The following FRMD1 variants were observed in gnomAD, a reference collection of about 807,000 sequenced individuals.
The protein encoded by FRMD1 is FERM domain-containing protein 1.
Under a neutral mutation model 54.9 loss-of-function variants are expected in FRMD1, and 51 were observed. The ratio of observed to expected loss-of-function variants is 0.93; its 90% CI spans 0.74 to 1.17. The LOEUF (loss-of-function observed/expected upper bound fraction) is 1.17, where lower values mean the gene tolerates loss of function less well. Ranked by LOEUF, FRMD1 falls within the 50% of genes most tolerant of loss-of-function variation. The pLI is 0.00. For missense variants in FRMD1, 729 were observed against 743.0 expected (o/e 0.98, Z 0.22); for synonymous variants, 324 against 306.4 (o/e 1.06, Z -0.60).
upstream of FRMD1, among the ~76,000 whole-genome samples, chr6:168,086,251 G>A (rs375939576): frequency 9.3e-4 from 104 of 111,638 alleles, no homozygotes; most frequent in East Asian, 3.2e-3. Context: ...GTGGACACCC[G>A]CGTCCCCAGC....
At chr6:168,091,764 G>A (rs771650729) in intron 1 of FRMD1, among the ~76,000 whole-genome samples, 18 of 152,374 alleles carry the variant, frequency 1.2e-4, no homozygotes, top group Non-Finnish European at 2.5e-4. Flanking sequence ...GACAGGCTGG[G>A]ATGCTACTCC....
At chr6:168,079,280 T>A (rs1800760399), upstream of FRMD1, 13 of 1,166,770 alleles carry the variant, frequency 1.1e-5, no homozygotes, top group South Asian at 2.6e-4. Flanking sequence ...TGCAAATAGC[T>A]GGGTGTGTGG....
Position 168,060,921 on chromosome 6 carries a change from G to A in FRMD1, c.1182C>T (p.Gly394=). The change falls in exon 9 of 11, where the codon GGC becomes GGT. Residue 394 remains glycine (G), a synonymous_variant. Coordinates refer to ENST00000283309, the MANE Select transcript of FRMD1 (RefSeq NM_024919.6). ...CLSRHSADSH[G]SSYTSGIKAN... is the part of the protein sequence containing the mutation. ...CCTTGATGCCTGACGTGTAGGAACT[G>A]CCGTGGCTGTCGGCGGAGTGGCGTG... The A allele has an allele frequency of 6.2e-7, 1 of 1,613,818 alleles. No individual in the cohort carries two copies. Among genetic ancestry groups the A allele is most frequent in the Non-Finnish European group, 8.5e-7 (1 of 1,180,038 alleles).
intron 8 of FRMD1, among the ~76,000 whole-genome samples, chr6:168,061,561 G>A (rs1799736023): frequency 6.6e-6 from 1 of 152,254 alleles, no homozygotes; most frequent in Non-Finnish European, 1.5e-5. Context: ...AGGAAACTGA[G>A]AAGTGGAAAC....
chr6:168,078,796 G>GGCCCTGCTCACCCCCACGGCCACCCGGA (rs1399314250), intron 1 of FRMD1, 86 bp downstream of exon 1: 64 of 293,884 alleles, frequency 2.2e-4, no homozygotes, highest in South Asian at 1.9e-3. Flanking sequence ...GGCCACCCAG[G>GGCCCTGCTCACCCCCACGGCCACCCGGA]GCCCTGCTCA....
intron 1 of FRMD1, among the ~76,000 whole-genome samples, chr6:168,090,943 C>G (rs1401408275): frequency 1.3e-5 from 2 of 152,188 alleles, no homozygotes; most frequent in African/African-American, 4.8e-5. Context: ...CCCACCGATC[C>G]AGGCCATTTG....
chr6:168,086,267 C>A (rs184715000), upstream of FRMD1, among the ~76,000 whole-genome samples: 3 of 144,002 alleles, frequency 2.1e-5, no homozygotes. Flanking sequence ...CCAGCATGGA[C>A]ACCCGCGTCC....
At chr6:168,068,105 C>G (rs1368907718) in intron 2 of FRMD1, among the ~76,000 whole-genome samples, 2 of 151,958 alleles carry the variant, frequency 1.3e-5, no homozygotes, top group Admixed American at 1.3e-4. Context: ...AGAGTGTGAC[C>G]CTGCCTCAAA....
chr6:168,061,185 G>T, intron 8 of FRMD1, 128 bp from the exon 9 acceptor site: 1 of 918,532 alleles, frequency 1.1e-6, no homozygotes, highest in Non-Finnish European at 1.6e-6. Context: ...CAGGCAGGGA[G>T]ACCAGGCCTG....
At chr6:168,058,477 C>A (rs1799535161) in intron 10 of FRMD1, among the ~76,000 whole-genome samples, 1 of 151,928 alleles carries the variant, frequency 6.6e-6, no homozygotes, top group Non-Finnish European at 1.5e-5. Flanking sequence ...TCAGCCACAA[C>A]CGATTTTCTG....
chr6:168,062,814 A>T, intron 7 of FRMD1, 80 bp downstream of exon 7: 1 of 1,604,500 alleles, frequency 6.2e-7, no homozygotes, highest in Non-Finnish European at 8.5e-7. Flanking sequence ...GATGCTACAC[A>T]GCCCAGACTC....
chr6:168,079,223 C>T, upstream of FRMD1: 1 of 1,418,828 alleles, frequency 7.0e-7, no homozygotes, highest in Non-Finnish European at 9.2e-7. Context: ...GAGAGGGAAG[C>T]CTGGGCTGGG....
chr6:168,077,316 G>A (rs566002734), intron 1 of FRMD1, among the ~76,000 whole-genome samples: 3 of 150,326 alleles, frequency 2.0e-5, no homozygotes, highest in African/African-American at 4.9e-5. Context: ...AGACATAGAC[G>A]ACTGCAAACC....
intron 10 of FRMD1, chr6:168,057,825 C>T: frequency 5.7e-6 from 1 of 176,066 alleles, no homozygotes; most frequent in Non-Finnish European, 1.2e-5. Context: ...AGCTTCTCGG[C>T]TGCCGTGGCC....
chr6:168,064,794 C>T (rs1799940178), intron 5 of FRMD1, 77 bp downstream of exon 5: 1 of 1,494,582 alleles, frequency 6.7e-7, no homozygotes, highest in Non-Finnish European at 9.0e-7. Context: ...CAGTCCCCTG[C>T]TCCCATGGAT....
intron 1 of FRMD1, among the ~76,000 whole-genome samples, chr6:168,088,768 C>T (rs1055740481): frequency 2.6e-5 from 4 of 151,786 alleles, no homozygotes; most frequent in Admixed American, 1.3e-4. Flanking sequence ...CCCCTGCACA[C>T]AGCACCAGCT....
intron 2 of FRMD1, among the ~76,000 whole-genome samples, 177 bp downstream of exon 2, chr6:168,075,068 G>A (rs1229254749): frequency 6.6e-6 from 1 of 151,840 alleles, no homozygotes; most frequent in African/African-American, 2.4e-5. Context: ...TGTGGTGTGT[G>A]CATGTGTACA....
chr6:168,085,125 G>T (rs1460754225), upstream of FRMD1, among the ~76,000 whole-genome samples: 2 of 152,264 alleles, frequency 1.3e-5, no homozygotes, highest in African/African-American at 4.8e-5. Context: ...GGAGCAGTCG[G>T]TTGGCCCCGA....
At chr6:168,063,354 C>T (rs1204152917) in intron 6 of FRMD1, among the ~76,000 whole-genome samples, 1 of 151,780 alleles carries the variant, frequency 6.6e-6, no homozygotes, top group Non-Finnish European at 1.5e-5. Flanking sequence ...CTCCATCCAT[C>T]CCTGCCCTGG....
Sources: allele counts gnomAD v4.1 joint callset (sites outside exome capture counted in the v4.1 genomes callset), GRCh38; gene constraint gnomAD v4.1.1; transcripts MANE v1.5; gene names NCBI Gene and HGNC (gene_info 2026-07-23, HGNC 2026-07-21).